The following LDB2 variants were observed in gnomAD, a reference collection of about 807,000 sequenced individuals.
The protein encoded by LDB2 is LIM domain-binding protein 2.
Under a neutral mutation model 44.3 loss-of-function variants are expected in LDB2, and 12 were observed. The observed-to-expected ratio is 0.27, with a 90% CI of 0.17 to 0.44. LDB2 has a LOEUF of 0.44. Ranked by LOEUF, LDB2 falls within the 20% of genes least tolerant of loss-of-function variation. LDB2 has a pLI of 1.00. For synonymous variants in LDB2, 164 were observed against 174.8 expected (o/e 0.94, Z 0.49); for missense variants, 344 against 473.5 (o/e 0.73, Z 2.54).
At chr4:16,605,884 G>T (rs1256563789) in intron 2 of LDB2, among the ~76,000 whole-genome samples, 1 of 152,166 alleles carries the variant, frequency 6.6e-6, no homozygotes, top group Non-Finnish European at 1.5e-5. Flanking sequence ...AGGGGGAACT[G>T]CCACATTTGG....
At chr4:16,541,564 T>A (rs1484145668) in intron 5 of LDB2, among the ~76,000 whole-genome samples, 1 of 152,226 alleles carries the variant, frequency 6.6e-6, no homozygotes, top group African/African-American at 2.4e-5. Context: ...AATCTGTGGA[T>A]GACAGTCAAG....
chr4:16,532,430 T>C (rs1730467136), intron 5 of LDB2, among the ~76,000 whole-genome samples: 1 of 152,182 alleles, frequency 6.6e-6, no homozygotes, highest in South Asian at 2.1e-4. Context: ...CTTTAACCAA[T>C]GAACTGTGGT....
intron 5 of LDB2, 45 bp from the exon 6 acceptor site, chr4:16,512,149 C>A: frequency 6.6e-7 from 1 of 1,506,106 alleles, no homozygotes; most frequent in South Asian, 1.3e-5. Context: ...CTTCATAACA[C>A]TAATTACAAT....
At chr4:16,763,304 A>G (rs157482) in intron 1 of LDB2, among the ~76,000 whole-genome samples, 124,995 of 152,172 alleles carry the variant, frequency 0.82, 52,536 homozygotes, top group Non-Finnish European at 0.92. Context: ...AGCTCGGGAA[A>G]TCACTTTACA....
chr4:16,502,513 T>G lies in LDB2; in HGVS notation c.*130A>C. 7 of 1,193,666 alleles carry G rather than the reference T, an allele frequency of 5.9e-6. No individual in the cohort carries two copies. Among genetic ancestry groups the G allele is most frequent in the Non-Finnish European group, 8.4e-6 (7 of 837,032 alleles). 73.9% of individuals were successfully genotyped at this position (1,193,666 alleles called of 1,614,324 possible). On this transcript the variant is annotated 3_prime_UTR_variant, in exon 8 of 8. Coordinates refer to ENST00000304523, the MANE Select transcript of LDB2 (RefSeq NM_001290.5). ...AGAAAGAAGAAAGAAAATCAGATCA[T>G]TGTGGTTTAGAAATAGATATTTGCA...
At chr4:16,803,495 T>C (rs1387336276) in intron 1 of LDB2, among the ~76,000 whole-genome samples, 1 of 152,234 alleles carries the variant, frequency 6.6e-6, no homozygotes. Flanking sequence ...AGGGCAAAGT[T>C]TGTTCTTATT....
At chr4:16,564,233 A>G (rs1055858230) in intron 5 of LDB2, among the ~76,000 whole-genome samples, 1 of 152,150 alleles carries the variant, frequency 6.6e-6, no homozygotes, top group South Asian at 2.1e-4. Context: ...GCTCATGCCT[A>G]TAGTCCCAGC....
chr4:16,664,445 G>A (rs1360596398), intron 2 of LDB2, among the ~76,000 whole-genome samples: 2 of 152,124 alleles, frequency 1.3e-5, no homozygotes, highest in African/African-American at 4.8e-5. Flanking sequence ...ATTTGCTCAG[G>A]GCAGGATGGC....
chr4:16,805,164 C>G (rs536192011), intron 1 of LDB2, among the ~76,000 whole-genome samples: 11 of 152,242 alleles, frequency 7.2e-5, no homozygotes, highest in Non-Finnish European at 1.3e-4. Flanking sequence ...ATCATGAAGG[C>G]CTCGCTCCCA....
At chr4:16,873,246 T>C (rs186847121) in intron 1 of LDB2, among the ~76,000 whole-genome samples, 23 of 152,346 alleles carry the variant, frequency 1.5e-4, no homozygotes, top group African/African-American at 5.5e-4. Context: ...GAACTTATTT[T>C]GTACAAGTTC....
At chr4:16,886,074 T>C (rs4698162) in intron 1 of LDB2, among the ~76,000 whole-genome samples, 62,243 of 151,470 alleles carry the variant, frequency 0.41, 14,252 homozygotes, top group African/African-American at 0.62. Context: ...TTTAAATTAG[T>C]CTAGTGCAGT....
At chr4:16,699,086 G>A (rs893081078) in intron 2 of LDB2, among the ~76,000 whole-genome samples, 3 of 152,146 alleles carry the variant, frequency 2.0e-5, no homozygotes, top group Admixed American at 2.0e-4. Flanking sequence ...TCAAATAAGC[G>A]GTAGAGGAAT....
intron 1 of LDB2, among the ~76,000 whole-genome samples, chr4:16,897,086 C>A (rs1180732220): frequency 6.6e-6 from 1 of 152,192 alleles, no homozygotes; most frequent in East Asian, 1.9e-4. Context: ...CAGCAGTTAG[C>A]CAATCAGAAA....
intron 1 of LDB2, among the ~76,000 whole-genome samples, chr4:16,783,954 TTACTGAAGAA>T (rs1295159888): frequency 7.2e-5 from 11 of 152,242 alleles, no homozygotes; most frequent in Admixed American, 6.5e-4. Flanking sequence ...ATTCCCTTTA[TTACTGAAGAA>T]TCACTTTTAG....
intron 2 of LDB2, among the ~76,000 whole-genome samples, chr4:16,621,214 G>T (rs529812880): frequency 3.9e-4 from 59 of 152,184 alleles, no homozygotes; most frequent in Non-Finnish European, 7.9e-4. Flanking sequence ...ACAAACAAAA[G>T]CCAACTGCCC....
chr4:16,854,553 A>C (rs1370179977), intron 1 of LDB2, among the ~76,000 whole-genome samples: 1 of 150,780 alleles, frequency 6.6e-6, no homozygotes, highest in Non-Finnish European at 1.5e-5. Flanking sequence ...AATATATACT[A>C]TGTATTGTTT....
At chr4:16,777,121 G>C (rs1772100415) in intron 1 of LDB2, among the ~76,000 whole-genome samples, 1 of 152,170 alleles carries the variant, frequency 6.6e-6, no homozygotes, top group African/African-American at 2.4e-5. Flanking sequence ...CAGGGATTTA[G>C]AAGGATTCTG....
At chr4:16,840,502 G>T (rs1195965061) in intron 1 of LDB2, among the ~76,000 whole-genome samples, 1 of 152,184 alleles carries the variant, frequency 6.6e-6, no homozygotes, top group Non-Finnish European at 1.5e-5. Context: ...AGGAAAAGGT[G>T]AAAGAGGGAA....
chr4:16,645,401 G>A (rs4416474), intron 2 of LDB2, among the ~76,000 whole-genome samples: 15,383 of 151,602 alleles, frequency 0.1, 1,020 homozygotes, highest in East Asian at 0.29. Context: ...GCCGGGCGCG[G>A]TGGCGGGCGC....
Sources: gnomAD v4.1 joint callset for allele counts (sites outside exome capture counted in the v4.1 genomes callset) on GRCh38, gnomAD v4.1.1 for gene constraint, MANE v1.5 for transcripts, NCBI Gene and HGNC (gene_info 2026-07-23, HGNC 2026-07-21) for gene names.